The following HGD variants were observed in gnomAD, a reference collection of about 807,000 sequenced individuals.
The protein encoded by HGD is homogentisate oxidase.
HGD carries 61 observed loss-of-function variants against 60.8 expected under a neutral mutation model. That is an observed-to-expected ratio of 1.00 (90% CI 0.82 to 1.24). HGD has a LOEUF of 1.24. Ranked by LOEUF, HGD falls within the 50% of genes most tolerant of loss-of-function variation. The pLI, the probability that HGD is intolerant of heterozygous loss-of-function variation, is 0.00. For missense variants in HGD, 542 were observed against 547.1 expected (o/e 0.99, Z 0.09); for synonymous variants, 212 against 187.7 (o/e 1.13, Z -1.06).
Position 120,641,465 on chromosome 3 carries a change from CTA to C in HGD, c.879+122_879+123del, listed in dbSNP as rs957510273. 4.0e-6 allele frequency: 3 copies of C among 749,156 alleles called. No individual in the cohort carries two copies. The African/African-American group carries it at 5.1e-5, about 13-fold the overall frequency. The allele number at this position is 749,156 out of a possible 1,614,324, so 46.4% of individuals were successfully genotyped here. A position where few individuals can be genotyped will look rare whatever the true frequency, so the allele number is the denominator to read the frequency against. On this transcript the variant is annotated intron_variant, in intron 11 of 13. Coordinates refer to ENST00000283871, the MANE Select transcript of HGD (RefSeq NM_000187.4). ...TACTCCCTCACCAAAGGACAAATGA[CTA>C]TATCTAGGGCTTCCAATGGTGACAT...
intron 12 of HGD, among the ~76,000 whole-genome samples, chr3:120,636,490 A>G (rs765494322): frequency 2.0e-5 from 3 of 152,176 alleles, no homozygotes; most frequent in Non-Finnish European, 2.9e-5. Flanking sequence ...CAAGAACAAG[A>G]GTGAAATGGT....
chr3:120,667,885 A>G (rs148212806), intron 4 of HGD, among the ~76,000 whole-genome samples: 4,083 of 152,274 alleles, frequency 0.027, 74 homozygotes, highest in Middle Eastern at 0.071. Flanking sequence ...TCATATACAT[A>G]ATTACTATAC....
intron 4 of HGD, among the ~76,000 whole-genome samples, chr3:120,657,175 TG>T (rs1941524023): frequency 6.6e-6 from 1 of 152,206 alleles, no homozygotes; most frequent in Non-Finnish European, 1.5e-5. Context: ...TGAGTTCTAT[TG>T]GAAGATAAAC....
intron 10 of HGD, among the ~76,000 whole-genome samples, chr3:120,643,215 C>T (rs2107505214): frequency 6.6e-6 from 1 of 152,292 alleles, no homozygotes; most frequent in Non-Finnish European, 1.5e-5. Flanking sequence ...CCTCCACCTC[C>T]TGGGTTCAAG....
intron 4 of HGD, among the ~76,000 whole-genome samples, chr3:120,668,734 A>G (rs1707957314): frequency 6.6e-6 from 1 of 152,178 alleles, no homozygotes; most frequent in Admixed American, 6.5e-5. Flanking sequence ...AATCTTCACA[A>G]TAGCACTGTG....
At position 120,646,991 on chromosome 3, in the gene HGD, A is replaced by T. The variant is rs762831007; in HGVS notation, c.531T>A (p.Asn177Lys). The T allele has an allele frequency of 7.5e-6, 12 of 1,606,932 alleles. No homozygotes were observed. The highest frequency in any genetic ancestry group is 7.7e-6 in the Non-Finnish European group (9 of 1,173,440). ...CACCAACCTGAATGACGCAGATCTCATTGGGCTGTACAAGCATCTTGCCAA... is the reference window on the plus strand; with the variant it reads ...CACCAACCTGAATGACGCAGATCTCTTTGGGCTGTACAAGCATCTTGCCAA... ...TEFGKMLVQP[N>K]EICVIQRGMR... Residue 177 changes from asparagine to lysine, a missense_variant, in exon 8 of 14, where the codon AAT becomes AAA. This residue lies in a region of HGD where 537 missense variants were observed against 529.1 expected (regional missense o/e 1.01). Coordinates refer to ENST00000283871, the MANE Select transcript of HGD (RefSeq NM_000187.4).
chr3:120,654,686 AAG>A (rs1258898576), intron 4 of HGD, among the ~76,000 whole-genome samples: 4 of 152,216 alleles, frequency 2.6e-5, no homozygotes, highest in Non-Finnish European at 4.4e-5. Context: ...GGAAAGAAAG[AAG>A]AGAGAGAGGG....
chr3:120,672,264 T>C (rs1708039903), intron 3 of HGD, among the ~76,000 whole-genome samples: 2 of 152,156 alleles, frequency 1.3e-5, no homozygotes, highest in African/African-American at 2.4e-5. Flanking sequence ...TTAAAGTGTG[T>C]CCTCTCTACC....
chr3:120,663,187 A>G (rs1039523575), intron 4 of HGD, among the ~76,000 whole-genome samples: 1 of 152,100 alleles, frequency 6.6e-6, no homozygotes, highest in Non-Finnish European at 1.5e-5. Context: ...AGAGAAGGAG[A>G]AGAAAAGAGG....
At chr3:120,668,061 G>A (rs1262169064) in intron 4 of HGD, among the ~76,000 whole-genome samples, 1 of 152,124 alleles carries the variant, frequency 6.6e-6, no homozygotes, top group African/African-American at 2.4e-5. Context: ...GAGTCTAAGG[G>A]GTTGGGGGTT....
intron 4 of HGD, among the ~76,000 whole-genome samples, chr3:120,656,311 C>T (rs746524080): frequency 2.0e-4 from 30 of 152,142 alleles, no homozygotes; most frequent in Non-Finnish European, 2.4e-4. Context: ...CTTGATCAGA[C>T]TAATATAGTC....
intron 4 of HGD, among the ~76,000 whole-genome samples, chr3:120,664,651 A>C (rs1707858567): frequency 1.3e-5 from 2 of 151,988 alleles, no homozygotes; most frequent in African/African-American, 4.8e-5. Flanking sequence ...GGCTGGTCTC[A>C]AACTCCTGGA....
chr3:120,629,546 A>G (rs1217478371), intron 13 of HGD, among the ~76,000 whole-genome samples: 1 of 152,214 alleles, frequency 6.6e-6, no homozygotes, highest in Non-Finnish European at 1.5e-5. Context: ...GCTATTCAAG[A>G]TGCAGAAAAG....
At chr3:120,670,367 A>T in intron 4 of HGD, 60 bp downstream of exon 4, 1 of 827,432 alleles carries the variant, frequency 1.2e-6, no homozygotes, top group Non-Finnish European at 2.2e-6. Context: ...TATTCTATTT[A>T]GGTATTTCTA....
chr3:120,644,354 T>C lies in HGD; in HGVS notation c.739A>G (p.Asn247Asp). Residue 247 changes from asparagine to aspartate, a missense_variant, in exon 10 of 14, where the codon AAT (asparagine) becomes GAT (aspartate). Transcript: ENST00000283871. ...RQVPGGYTVI[N>D]KYQGKLFAAK... ...GCAAACAGCTTGCCCTGGTATTTAT[T>C]AATGACCGTGTAACCACCTGGTACT... 1 of 1,614,160 alleles carries C rather than the reference T, an allele frequency of 6.2e-7. No individual in the cohort carries two copies. The highest frequency in any genetic ancestry group is 8.5e-7 in the Non-Finnish European group (1 of 1,180,018).
intron 12 of HGD, among the ~76,000 whole-genome samples, chr3:120,635,617 G>T (rs2107493514): frequency 6.6e-6 from 1 of 151,548 alleles, no homozygotes; most frequent in Admixed American, 6.6e-5. Context: ...TTTGAGTATT[G>T]CCAAGGCAAT....
In HGD at chr3:120,674,997, A is replaced by G; in HGVS notation, c.88-8T>C. ...GCAGACCTGAGGATTATTCTGAAAC[A>G]AAGGATGCAATAAACAATATTACTC... On this transcript the variant is annotated splice_region_variant and splice_polypyrimidine_tract_variant and intron_variant, in intron 2 of 13. Coordinates refer to ENST00000283871, the MANE Select transcript of HGD (RefSeq NM_000187.4). 6.3e-7 allele frequency: 1 copy of G among 1,589,644 alleles called. No individual in the cohort carries two copies. Among genetic ancestry groups the G allele is most frequent in the Non-Finnish European group, 8.6e-7 (1 of 1,158,352 alleles).
chr3:120,637,488 TG>T (rs981090701), intron 12 of HGD, among the ~76,000 whole-genome samples: 156 of 152,304 alleles, frequency 1.0e-3, no homozygotes, highest in African/African-American at 3.7e-3. Context: ...TGTTAGGTCT[TG>T]TACTAGGCAA....
intron 12 of HGD, among the ~76,000 whole-genome samples, chr3:120,635,913 C>T (rs1472864342): frequency 6.6e-6 from 1 of 152,036 alleles, no homozygotes; most frequent in Non-Finnish European, 1.5e-5. Flanking sequence ...CACCCTAGGC[C>T]AGTATTTCTC....
Sources: gnomAD v4.1 joint callset for allele counts (sites outside exome capture counted in the v4.1 genomes callset) on GRCh38, gnomAD v4.1.1 for gene constraint, gnomAD v4.1.1 regional missense constraint, MANE v1.5 for transcripts, NCBI Gene and HGNC (gene_info 2026-07-23, HGNC 2026-07-21) for gene names.